The following CCDC57 variants were observed in gnomAD, a reference collection of about 807,000 sequenced individuals.
CCDC57 encodes the protein coiled-coil domain-containing protein 57.
A neutral mutation model predicts 118.9 loss-of-function variants in CCDC57; 118 were observed. The observed-to-expected ratio is 0.99, with a 90% CI of 0.86 to 1.16. The LOEUF is 1.16. CCDC57 is among the 50% of genes most tolerant of loss of function. CCDC57 has a pLI of 0.00. For missense variants in CCDC57, 1,300 were observed against 1,320.7 expected, an observed-to-expected ratio of 0.98 and a Z score of 0.24; for synonymous variants, 527 against 532.9, an observed-to-expected ratio of 0.99 and a Z score of 0.15.
At chr17:82,159,509 A>G (rs1191746049) in intron 14 of CCDC57, among the ~76,000 whole-genome samples, 1 of 152,126 alleles carries the variant, frequency 6.6e-6, no homozygotes, top group African/African-American at 2.4e-5. Flanking sequence ...TTGCAACAAC[A>G]AGGACACACT....
At chr17:82,206,107 G>A (rs745321350) in intron 2 of CCDC57, among the ~76,000 whole-genome samples, 112 of 152,350 alleles carry the variant, frequency 7.4e-4, no homozygotes, top group Non-Finnish European at 1.4e-3. Context: ...AGGAGAAGCC[G>A]CCGGGGAGGG....
chr17:82,147,809 T>C (rs1276938291), intron 16 of CCDC57, among the ~76,000 whole-genome samples: 2 of 112,064 alleles, frequency 1.8e-5, no homozygotes, highest in South Asian at 3.2e-4. Flanking sequence ...GGTGGGTGAA[T>C]AGATGAATGG....
rs543221750 is a variant in CCDC57, at chr17:82,101,563, A to G, written c.*119T>C. ...AGCAGCATTTGGGAGCCTGCCCTGC[A>G]GCTCCCTGCCTCCACCCTGCACGCT... On this transcript the variant is annotated 3_prime_UTR_variant, in exon 20 of 20. Coordinates refer to ENST00000665763, the Ensembl canonical transcript of CCDC57. 447 of 855,954 alleles carry G rather than the reference A, an allele frequency of 5.2e-4. 5 individuals carry two copies. The highest frequency in any genetic ancestry group is 4.8e-3 in the South Asian group (257 of 53,990). The allele number at this position is 855,954 out of a possible 1,614,324, so 53.0% of individuals were successfully genotyped here. A position where few individuals can be genotyped will look rare whatever the true frequency, so the allele number is the denominator to read the frequency against.
At chr17:82,105,515 G>A (rs1187225765) in intron 19 of CCDC57, among the ~76,000 whole-genome samples, 3 of 152,024 alleles carry the variant, frequency 2.0e-5, no homozygotes, top group Admixed American at 6.5e-5. Context: ...CCTTTCCAGG[G>A]TCCCCACGCC....
chr17:82,102,846 C>T (rs2034549307), intron 19 of CCDC57, among the ~76,000 whole-genome samples: 1 of 151,380 alleles, frequency 6.6e-6, no homozygotes, highest in African/African-American at 2.4e-5. Flanking sequence ...GATTGCGCCA[C>T]TGCACTCCAG....
intron 11 of CCDC57, among the ~76,000 whole-genome samples, chr17:82,178,006 C>T (rs2045746625): frequency 6.6e-6 from 1 of 152,206 alleles, no homozygotes; most frequent in African/African-American, 2.4e-5. Flanking sequence ...ACAAGCTCCT[C>T]AGTGTCCCCA....
chr17:82,194,614 T>C (rs956382216), intron 5 of CCDC57, among the ~76,000 whole-genome samples: 1 of 152,148 alleles, frequency 6.6e-6, no homozygotes, highest in African/African-American at 2.4e-5. Flanking sequence ...CCGGCCTTCA[T>C]TGACCCCCTG....
intron 19 of CCDC57, among the ~76,000 whole-genome samples, chr17:82,124,278 G>A (rs2037124190): frequency 6.6e-6 from 1 of 152,192 alleles, no homozygotes; most frequent in Non-Finnish European, 1.5e-5. Flanking sequence ...TGGAAGAGAG[G>A]AGGGAGAGTG....
chr17:82,171,868 T>C lies in CCDC57; in HGVS notation c.1730-15A>G. ...CAGAACATAATCTGCCAAAAAAACC[T>C]CCAGTGAATATAACACATACACAGC... On this transcript the variant is annotated splice_polypyrimidine_tract_variant and intron_variant, in intron 12 of 19. Coordinates refer to ENST00000665763, the Ensembl canonical transcript of CCDC57. The C allele has an allele frequency of 6.2e-7, 1 of 1,609,220 alleles. No individual in the cohort carries two copies. The highest frequency in any genetic ancestry group is 8.5e-7 in the Non-Finnish European group (1 of 1,176,018).
chr17:82,142,312 TTTG>T (rs1398433140), intron 16 of CCDC57, among the ~76,000 whole-genome samples: 3 of 147,508 alleles, frequency 2.0e-5, no homozygotes, highest in East Asian at 4.0e-4. Context: ...TGAAGTTGTG[TTTG>T]TTTTTTTTTT....
intron 19 of CCDC57, among the ~76,000 whole-genome samples, chr17:82,103,181 A>C (rs1399671000): frequency 6.6e-6 from 1 of 152,216 alleles, no homozygotes; most frequent in Non-Finnish European, 1.5e-5. Flanking sequence ...GGGCAGCCAC[A>C]CACTCCCAGC....
intron 19 of CCDC57, chr17:82,127,247 G>A (rs2037580683): frequency 3.0e-6 from 3 of 985,356 alleles, no homozygotes; most frequent in Non-Finnish European, 3.6e-6. Flanking sequence ...GCATCACTGG[G>A]GTCGGCCTGG....
intron 14 of CCDC57, among the ~76,000 whole-genome samples, chr17:82,158,949 C>A (rs928871701): frequency 6.6e-6 from 1 of 152,070 alleles, no homozygotes; most frequent in Non-Finnish European, 1.5e-5. Context: ...ACCATCTGGG[C>A]TCAAGCAACC....
At chr17:82,116,394 G>A (rs967668410) in intron 19 of CCDC57, among the ~76,000 whole-genome samples, 5 of 151,908 alleles carry the variant, frequency 3.3e-5, no homozygotes, top group South Asian at 2.1e-4. Flanking sequence ...CCCAGGGAGC[G>A]GCCCAGGGGC....
intron 2 of CCDC57, among the ~76,000 whole-genome samples, chr17:82,202,818 T>C (rs2049157019): frequency 6.6e-6 from 1 of 152,090 alleles, no homozygotes; most frequent in Admixed American, 6.5e-5. Context: ...ATGGGAAACA[T>C]GGTTTGTCCA....
intron 7 of CCDC57, among the ~76,000 whole-genome samples, chr17:82,191,036 G>A (rs972563579): frequency 6.6e-6 from 1 of 151,894 alleles, no homozygotes; most frequent in African/African-American, 2.4e-5. Flanking sequence ...GTGTCTAGAT[G>A]TCGTGCCTGA....
At chr17:82,183,097 G>T (rs2046410218) in intron 9 of CCDC57, among the ~76,000 whole-genome samples, 3 of 152,110 alleles carry the variant, frequency 2.0e-5, no homozygotes, top group Admixed American at 6.5e-5. Flanking sequence ...TGACACATGG[G>T]GATTACAATT....
chr17:82,188,181 T>A (rs1381212433), intron 8 of CCDC57, 38 bp downstream of exon 7: 6 of 1,508,440 alleles, frequency 4.0e-6, no homozygotes, highest in Non-Finnish European at 5.3e-6. Context: ...CGGCCGTCCC[T>A]GCCCTCACCC....
rs2036219515 is a variant in CCDC57, at chr17:82,118,513, C to T, written c.2899+9179G>A. The stretch of plus-strand genomic sequence containing the variant: ...TAGCTGCCCACACACGTGGGACAGA[C>T]TGTTGGGTGGCTGGTCCCTGTACCG... On this transcript the variant is annotated intron_variant, in intron 19 of 19. Coordinates refer to ENST00000665763, the Ensembl canonical transcript of CCDC57. This position sits in a 1 kb window ranked among gnomAD's most constrained non-coding sequence, Gnocchi z 4.7. Among the ~76,000 whole-genome samples the T allele has an allele frequency of 6.6e-6, 1 of 152,130 alleles. No homozygotes were observed. The highest frequency in any genetic ancestry group is 6.6e-5 in the Admixed American group (1 of 15,266).
Sources: allele counts gnomAD v4.1 joint callset (sites outside exome capture counted in the v4.1 genomes callset), GRCh38; gene constraint gnomAD v4.1.1; non-coding constraint Gnocchi (gnomAD v3.1); transcripts MANE v1.5; gene names NCBI Gene and HGNC (gene_info 2026-07-23, HGNC 2026-07-21).